Variants in MAST2 observed in about 807,000 individuals in gnomAD.
MAST2 encodes microtubule associated serine/threonine kinase 2.
In MAST2, 70 loss-of-function variants were observed where a neutral mutation model predicts 147.4. The observed-to-expected ratio is 0.47, with a 90% CI of 0.39 to 0.58. The LOEUF is 0.58. Ranked by LOEUF, MAST2 falls within the 20% of genes least tolerant of loss-of-function variation. The pLI is 0.00. For missense variants in MAST2, 2,080 were observed against 2,302.3 expected (o/e 0.90, Z 1.98); for synonymous variants, 869 against 896.8 (o/e 0.97, Z 0.55).
At chr1:45,891,382 A>G (rs1049401268) in intron 4 of MAST2, among the ~76,000 whole-genome samples, 3 of 152,158 alleles carry the variant, frequency 2.0e-5, no homozygotes, top group Non-Finnish European at 4.4e-5. Context: ...CTGTAGTCCT[A>G]GCTACTTAGG....
chr1:45,976,898 T>G (rs1440792152), intron 5 of MAST2, among the ~76,000 whole-genome samples: 3 of 152,094 alleles, frequency 2.0e-5, no homozygotes, highest in African/African-American at 7.2e-5. Flanking sequence ...AGAGAAGAGT[T>G]AGGGGGAGGA....
At chr1:45,951,241 A>G (rs1290177744) in intron 4 of MAST2, among the ~76,000 whole-genome samples, 1 of 152,050 alleles carries the variant, frequency 6.6e-6, no homozygotes, top group African/African-American at 2.4e-5. Context: ...ACAAAGTAAC[A>G]TTAGAGATTA....
intron 5 of MAST2, among the ~76,000 whole-genome samples, chr1:45,987,777 A>T (rs201142493): frequency 0.11 from 2,484 of 22,042 alleles, 9 homozygotes; most frequent in Non-Finnish European, 0.12. Flanking sequence ...TTTTTTTTTG[A>T]TTTTTTTTTT....
chr1:45,897,935 C>T (rs1054346201), intron 4 of MAST2, among the ~76,000 whole-genome samples: 8 of 151,760 alleles, frequency 5.3e-5, no homozygotes, highest in South Asian at 2.1e-4. Flanking sequence ...AGTGAAACTC[C>T]GTCTCTACTA....
intron 4 of MAST2, among the ~76,000 whole-genome samples, chr1:45,895,774 A>G (rs1648633548): frequency 1.3e-5 from 2 of 152,232 alleles, no homozygotes; most frequent in Admixed American, 1.3e-4. Flanking sequence ...AAATATTACA[A>G]CCAATTCCAT....
At chr1:45,977,108 A>G (rs1644192148) in intron 5 of MAST2, among the ~76,000 whole-genome samples, 1 of 152,254 alleles carries the variant, frequency 6.6e-6, no homozygotes, top group Admixed American at 6.5e-5. Flanking sequence ...GAAGGTGTAC[A>G]GAAGAAAATC....
chr1:45,841,546 T>C (rs1310338719), intron 3 of MAST2, among the ~76,000 whole-genome samples: 1 of 152,122 alleles, frequency 6.6e-6, no homozygotes, highest in African/African-American at 2.4e-5. Flanking sequence ...CCACCATGCC[T>C]GGCTAATTTT....
Position 46,014,759 on chromosome 1 carries a change from A to G in MAST2, c.1188+3820A>G, listed in dbSNP as rs138936741. On this transcript the variant is annotated intron_variant, in intron 10 of 28. Coordinates refer to ENST00000361297, the MANE Select transcript of MAST2 (RefSeq NM_015112.3). Reference sequence around the variant, plus strand: ...TAACACCCCACTGTCAACATTAGACAGATCAGCGTGACAGAAAGTTAGCAA... The same window carrying G: ...TAACACCCCACTGTCAACATTAGACGGATCAGCGTGACAGAAAGTTAGCAA... Among the ~76,000 whole-genome samples the G allele has an allele frequency of 2.9e-3, 441 of 152,274 alleles. 3 individuals carry two copies. The highest frequency in any genetic ancestry group is 0.02 in the East Asian group (101 of 5,172).
chr1:45,821,736 C>T (rs1644637766), intron 1 of MAST2, among the ~76,000 whole-genome samples: 1 of 151,582 alleles, frequency 6.6e-6, no homozygotes, highest in South Asian at 2.1e-4. Flanking sequence ...CCAGGCTGGT[C>T]TCAAACTCCT....
intron 3 of MAST2, among the ~76,000 whole-genome samples, chr1:45,854,577 A>C (rs2148015267): frequency 6.6e-6 from 1 of 152,274 alleles, no homozygotes; most frequent in South Asian, 2.1e-4. Context: ...TTATATCTAC[A>C]AAAAGTCTTG....
chr1:45,909,976 C>A (rs976116159), intron 4 of MAST2, among the ~76,000 whole-genome samples: 1 of 151,636 alleles, frequency 6.6e-6, no homozygotes, highest in Non-Finnish European at 1.5e-5. Flanking sequence ...CTGCCTGCCT[C>A]GGCCTCCCAA....
At chr1:45,825,992 G>T (rs1443807928) in intron 2 of MAST2, among the ~76,000 whole-genome samples, 1 of 151,912 alleles carries the variant, frequency 6.6e-6, no homozygotes, top group Non-Finnish European at 1.5e-5. Flanking sequence ...CACAAGAATC[G>T]CTTGAACCTG....
intron 8 of MAST2, among the ~76,000 whole-genome samples, chr1:46,007,899 CT>C (rs1645553605): frequency 6.6e-6 from 1 of 152,174 alleles, no homozygotes; most frequent in Admixed American, 6.5e-5. Context: ...CCTTTGGTTG[CT>C]TTGGTAGTTT....
intron 4 of MAST2, among the ~76,000 whole-genome samples, chr1:45,943,136 G>C (rs1350647099): frequency 6.6e-6 from 1 of 152,166 alleles, no homozygotes; most frequent in Non-Finnish European, 1.5e-5. Context: ...ATATGCAAGA[G>C]AATAGAGACA....
chr1:46,017,032 C>T (rs1024429429), intron 10 of MAST2, among the ~76,000 whole-genome samples: 5 of 152,002 alleles, frequency 3.3e-5, no homozygotes, highest in African/African-American at 1.2e-4. Flanking sequence ...ATATCTACAA[C>T]TATCTGATCT....
At chr1:45,835,670 T>A (rs916327001) in intron 3 of MAST2, among the ~76,000 whole-genome samples, 3 of 152,168 alleles carry the variant, frequency 2.0e-5, no homozygotes, top group Non-Finnish European at 4.4e-5. Context: ...GCATTCACAA[T>A]GTGTGCAGCC....
At chr1:45,968,358 A>G (rs1643711284) in intron 5 of MAST2, among the ~76,000 whole-genome samples, 1 of 152,148 alleles carries the variant, frequency 6.6e-6, no homozygotes, top group Admixed American at 6.6e-5. Flanking sequence ...CATTTCTTGC[A>G]AGGCAGATCT....
chr1:45,995,068 C>G (rs918560288), intron 5 of MAST2, among the ~76,000 whole-genome samples: 2 of 152,048 alleles, frequency 1.3e-5, no homozygotes, highest in Non-Finnish European at 2.9e-5. Flanking sequence ...TCTCGATCTC[C>G]TGGCCTCGTG....
intron 7 of MAST2, among the ~76,000 whole-genome samples, chr1:46,005,685 T>G (rs1270910264): frequency 6.6e-6 from 1 of 152,224 alleles, no homozygotes; most frequent in Admixed American, 6.5e-5. Context: ...TCTTCCCTGC[T>G]GGATTTTCTT....
Sources: allele counts gnomAD v4.1 joint callset (sites outside exome capture counted in the v4.1 genomes callset), GRCh38; gene constraint gnomAD v4.1.1; transcripts MANE v1.5; gene names NCBI Gene and HGNC (gene_info 2026-07-23, HGNC 2026-07-21).